The following CD247 variants were observed in gnomAD, a reference collection of about 807,000 sequenced individuals.
The protein encoded by CD247 is T-cell surface glycoprotein CD3 zeta chain.
Under a neutral mutation model 30.0 loss-of-function variants are expected in CD247, and 13 were observed. The ratio of observed to expected loss-of-function variants is 0.43; its 90% CI spans 0.28 to 0.69. The LOEUF is 0.69. Among genes scored for constraint, CD247 ranks in the 30% least tolerant of loss-of-function variants. The probability of loss-of-function intolerance (pLI) is 0.16; values close to 1 mark genes in which losing one functional copy is unlikely to be tolerated. For missense variants in CD247, 193 were observed against 212.6 expected (o/e 0.91, Z 0.57); for synonymous variants, 72 against 80.0 (o/e 0.90, Z 0.53).
At chr1:167,495,786 C>T (rs561618235) in intron 1 of CD247, among the ~76,000 whole-genome samples, 1 of 152,282 alleles carries the variant, frequency 6.6e-6, no homozygotes, top group Non-Finnish European at 1.5e-5. Flanking sequence ...TCCGTCTTCT[C>T]CAGGTTCCCA....
chr1:167,475,839 G>C lies in CD247; in HGVS notation c.59-35072C>G, dbSNP rs35733536. 5.1e-3 allele frequency among the ~76,000 whole-genome samples: 783 copies of C among 152,230 alleles called. 2 individuals are homozygous for C. The highest frequency in any genetic ancestry group is 0.018 in the African/African-American group (752 of 41,540). On this transcript the variant is annotated intron_variant, in intron 1 of 7. Coordinates refer to ENST00000362089, the MANE Select transcript of CD247 (RefSeq NM_198053.3). ...TCGGGCTGTGGGGGAAGGAATTCTA[G>C]ATATGCAAGAGACAGAGAAACTGTC...
chr1:167,468,745 C>T (rs1403786732), intron 1 of CD247, among the ~76,000 whole-genome samples: 1 of 152,166 alleles, frequency 6.6e-6, no homozygotes, highest in Non-Finnish European at 1.5e-5. Flanking sequence ...CTTTTCTTTA[C>T]CCACCTTTGT....
intron 1 of CD247, among the ~76,000 whole-genome samples, chr1:167,465,296 T>G (rs1653189882): frequency 6.6e-6 from 1 of 151,148 alleles, no homozygotes; most frequent in South Asian, 2.1e-4. Context: ...CACTCATAGA[T>G]GCCTTCCACC....
intron 1 of CD247, among the ~76,000 whole-genome samples, chr1:167,443,516 A>T (rs1651934872): frequency 6.6e-6 from 1 of 152,188 alleles, no homozygotes; most frequent in South Asian, 2.1e-4. Flanking sequence ...GTGGCGATTT[A>T]TGGGACTGGT....
chr1:167,511,876 T>A (rs1490624564), intron 1 of CD247, among the ~76,000 whole-genome samples: 1 of 152,048 alleles, frequency 6.6e-6, no homozygotes, highest in African/African-American at 2.4e-5. Flanking sequence ...AAGAGATAGA[T>A]CCTGCTGCTT....
chr1:167,442,153 T>C (rs1651871676), intron 1 of CD247, among the ~76,000 whole-genome samples: 1 of 152,190 alleles, frequency 6.6e-6, no homozygotes, highest in Non-Finnish European at 1.5e-5. Flanking sequence ...TGGAACATCA[T>C]TGCACTGTGA....
intron 1 of CD247, among the ~76,000 whole-genome samples, chr1:167,490,011 C>G (rs1412654050): frequency 6.6e-6 from 1 of 152,078 alleles, no homozygotes. Flanking sequence ...CTGTGCCCCC[C>G]CACCACCCCA....
chr1:167,440,887 A>G (rs745636765), intron 1 of CD247, 120 bp from the exon 2 acceptor site: 3 of 711,374 alleles, frequency 4.2e-6, no homozygotes, highest in Non-Finnish European at 7.6e-6. Flanking sequence ...ACTATATCCA[A>G]TCCCCATGCC....
rs185640705 is a variant in CD247, at chr1:167,484,638, G to A, written c.58+33770C>T. ...CTAAAAATACAAAAATTAGCCAGGC[G>A]TCATGGCACGTGCCTGTAGTCCCAG... On this transcript the variant is annotated intron_variant, in intron 1 of 7. Coordinates refer to ENST00000362089, the MANE Select transcript of CD247 (RefSeq NM_198053.3). 3.4e-3 allele frequency among the ~76,000 whole-genome samples: 517 copies of A among 152,298 alleles called. 4 individuals are homozygous for A. The highest frequency in any genetic ancestry group is 5.9e-3 in the Non-Finnish European group (403 of 68,024).
chr1:167,443,294 C>T (rs1001069678), intron 1 of CD247, among the ~76,000 whole-genome samples: 2 of 152,206 alleles, frequency 1.3e-5, no homozygotes, highest in Non-Finnish European at 1.5e-5. Context: ...GACAATCACT[C>T]GATATCATGG....
intron 1 of CD247, among the ~76,000 whole-genome samples, chr1:167,473,589 G>A (rs1428824725): frequency 6.6e-6 from 1 of 152,216 alleles, no homozygotes; most frequent in Non-Finnish European, 1.5e-5. Context: ...CACAGCTGGG[G>A]AGTTCGTGCA....
intron 3 of CD247, 90 bp from the exon 4 acceptor site, chr1:167,438,740 G>A: frequency 9.8e-7 from 1 of 1,017,736 alleles, no homozygotes; most frequent in Admixed American, 1.7e-5. Flanking sequence ...TTCCCTCTCT[G>A]GGGTGGCTCA....
intron 1 of CD247, among the ~76,000 whole-genome samples, chr1:167,452,392 C>T (rs1464367063): frequency 2.2e-5 from 3 of 135,616 alleles, no homozygotes; most frequent in Admixed American, 8.4e-5. Context: ...CCAGCCTGGG[C>T]GAGGGAGCAA....
At chr1:167,506,892 ATTT>A (rs10587631) in intron 1 of CD247, among the ~76,000 whole-genome samples, 198 of 97,968 alleles carry the variant, frequency 2.0e-3, no homozygotes, top group Middle Eastern at 5.6e-3. Flanking sequence ...GTTCCCTCTG[ATTT>A]TTTTTTTTTT....
chr1:167,517,608 G>A (rs145903079), intron 1 of CD247, among the ~76,000 whole-genome samples: 1,683 of 152,352 alleles, frequency 0.011, 36 homozygotes, highest in African/African-American at 0.038. Context: ...GGCGCTGCTC[G>A]TGGTGGTGAC....
intron 1 of CD247, among the ~76,000 whole-genome samples, chr1:167,515,263 G>T (rs796604805): frequency 2.4e-4 from 37 of 152,340 alleles, no homozygotes; most frequent in African/African-American, 8.7e-4. Flanking sequence ...CAAGAAGTTT[G>T]CATTTAGATA....
intron 1 of CD247, 106 bp from the exon 2 acceptor site, chr1:167,440,873 G>A (rs375394407): frequency 2.2e-4 from 162 of 730,018 alleles, no homozygotes; most frequent in African/African-American, 9.7e-4. Context: ...ATCATGACAC[G>A]GAGACTATAT....
At chr1:167,437,908 T>C (rs1046039627) in intron 4 of CD247, among the ~76,000 whole-genome samples, 2 of 152,204 alleles carry the variant, frequency 1.3e-5, no homozygotes, top group African/African-American at 4.8e-5. Context: ...GTGATAAATA[T>C]GTTAATTAGC....
At chr1:167,452,410 T>C (rs1469918194) in intron 1 of CD247, among the ~76,000 whole-genome samples, 2 of 76,990 alleles carry the variant, frequency 2.6e-5, no homozygotes, top group Non-Finnish European at 5.6e-5. Flanking sequence ...CAAGACTCTA[T>C]CAAAAAAAAA....
Sources: allele counts gnomAD v4.1 joint callset (sites outside exome capture counted in the v4.1 genomes callset), GRCh38; gene constraint gnomAD v4.1.1; transcripts MANE v1.5; gene names NCBI Gene and HGNC (gene_info 2026-07-23, HGNC 2026-07-21).